GNA11: variants seen among roughly 807,000 people sequenced by gnomAD.
GNA11 encodes the protein G protein subunit alpha 11, also known as guanine nucleotide-binding protein subunit alpha-11.
A neutral mutation model predicts 38.2 loss-of-function variants in GNA11; 8 were observed. The observed-to-expected ratio is 0.21, with a 90% CI of 0.12 to 0.38. The LOEUF (loss-of-function observed/expected upper bound fraction) is 0.38. GNA11 is among the 10% of genes least tolerant of loss of function. The probability of loss-of-function intolerance (pLI) is 1.00; values close to 1 mark genes in which losing one functional copy is unlikely to be tolerated. For synonymous variants in GNA11, 211 were observed against 221.4 expected (o/e 0.95, Z 0.42); for missense variants, 268 against 516.3 (o/e 0.52, Z 4.66).
chr19:3,118,674 C>T lies in GNA11; in HGVS notation c.606-250C>T, dbSNP rs192279713. 1.2e-4 allele frequency: 55 copies of T among 470,002 alleles called. No homozygotes were observed. The Admixed American group carries it at 1.5e-3, about 13-fold the overall frequency. 29.1% of individuals were successfully genotyped at this position (470,002 alleles called of 1,614,324 possible). ...CTGGGTTCTCACACCCCCACACTAG[C>T]GCCCGCTTCCCTGGGCCCAGTGGTC... On this transcript the variant is annotated intron_variant, in intron 4 of 6. Transcript: ENST00000078429.
In GNA11 at chr19:3,121,379, T is replaced by G; in HGVS notation, c.*200T>G. On this transcript the variant is annotated 3_prime_UTR_variant, in exon 7 of 7. Coordinates refer to ENST00000078429, the MANE Select transcript of GNA11 (RefSeq NM_002067.5). ...GATGTACATCTCTCCCTCCGTACAC[T>G]TCGCGCACCTTCTCACCTTTTGTCA... 1 of 420,474 alleles carries G rather than the reference T, an allele frequency of 2.4e-6. No homozygotes were observed. Among genetic ancestry groups the G allele is most frequent in the South Asian group, 5.7e-5 (1 of 17,582 alleles). The allele number at this position is 420,474 out of a possible 1,614,324, so 26.0% of individuals were successfully genotyped here.
chr19:3,112,240 C>A (rs1016193892), intron 2 of GNA11, among the ~76,000 whole-genome samples: 8 of 152,144 alleles, frequency 5.3e-5, no homozygotes, highest in African/African-American at 1.7e-4. Context: ...TTTCCAAGTC[C>A]CCCTAGGTGT....
intron 4 of GNA11, chr19:3,118,073 A>G (rs1913969612): frequency 6.6e-6 from 1 of 150,968 alleles, no homozygotes; most frequent in South Asian, 2.1e-4. Flanking sequence ...TGCCTGCTGG[A>G]CTCCCCCGCA....
Position 3,110,049 on chromosome 19 carries a change from G to A in GNA11, c.137-100G>A, listed in dbSNP as rs563965226. 3 of 943,176 alleles carry A rather than the reference G, an allele frequency of 3.2e-6. No homozygotes were observed. Among genetic ancestry groups the A allele is most frequent in the South Asian group, 3.1e-5 (2 of 63,974 alleles). The allele number at this position is 943,176 out of a possible 1,614,324, so 58.4% of individuals were successfully genotyped here. On this transcript the variant is annotated intron_variant, in intron 1 of 6. Coordinates refer to ENST00000078429, the MANE Select transcript of GNA11 (RefSeq NM_002067.5). This position sits in a 1 kb window ranked among gnomAD's most constrained non-coding sequence, Gnocchi z 5.4. The stretch of plus-strand genomic sequence containing the variant: ...TCAGCCTCACGTGCCTTGGTTTCCT[G>A]TGCTGGGTGCTGCAGCACGGCAGGG...
intron 3 of GNA11, among the ~76,000 whole-genome samples, chr19:3,114,257 T>A (rs1842527162): frequency 6.6e-6 from 1 of 152,094 alleles, no homozygotes; most frequent in African/African-American, 2.4e-5. Context: ...GCACCCGGCC[T>A]CTTACAACCC....
At chr19:3,105,926 C>T (rs1913628877) in intron 1 of GNA11, among the ~76,000 whole-genome samples, 2 of 152,016 alleles carry the variant, frequency 1.3e-5, no homozygotes, top group Admixed American at 1.3e-4. Flanking sequence ...TGAGGGCCGG[C>T]AAGGGGCTGT....
At chr19:3,113,250 G>T in intron 2 of GNA11, 80 bp from the exon 3 acceptor site, 1 of 1,403,434 alleles carries the variant, frequency 7.1e-7, no homozygotes, top group Non-Finnish European at 1.0e-6. Context: ...GCCGAGGCCT[G>T]GAAGAGGGGC....
At chr19:3,112,117 A>G (rs930307690) in intron 2 of GNA11, among the ~76,000 whole-genome samples, 5 of 152,260 alleles carry the variant, frequency 3.3e-5, no homozygotes, top group Non-Finnish European at 7.3e-5. Flanking sequence ...TGCTGGAGAC[A>G]GTCCGTGTGG....
chr19:3,097,066 C>T (rs927293346), intron 1 of GNA11, among the ~76,000 whole-genome samples: 3 of 152,190 alleles, frequency 2.0e-5, no homozygotes, highest in Non-Finnish European at 4.4e-5. Context: ...GAGGGGACCT[C>T]TGTCAGGCTC....
intron 1 of GNA11, among the ~76,000 whole-genome samples, chr19:3,097,445 G>A (rs1913400255): frequency 1.3e-5 from 2 of 152,178 alleles, no homozygotes; most frequent in African/African-American, 4.8e-5. Context: ...TGGCATCTGG[G>A]GCCCAGGAGG....
Position 3,119,381 on chromosome 19 carries a change from G to C in GNA11, c.889+22G>C. 2 of 1,607,964 alleles carry C rather than the reference G, an allele frequency of 1.2e-6. No individual in the cohort carries two copies. The highest frequency in any genetic ancestry group is 1.7e-6 in the Non-Finnish European group (2 of 1,177,892). ...GATGGTGCGCCGGGCTGCGGCATGG[G>C]GAGGGGCTCGCGGGCAGGGCCTTAC... On this transcript the variant is annotated intron_variant, in intron 6 of 6. Transcript: ENST00000078429. The surrounding 1 kb of genome is among the most constrained non-coding windows in gnomAD (Gnocchi z 4.6).
chr19:3,115,687 G>T (rs1014142935), intron 4 of GNA11, among the ~76,000 whole-genome samples: 1 of 150,666 alleles, frequency 6.6e-6, no homozygotes, highest in African/African-American at 2.5e-5. Flanking sequence ...CGCATGGTGC[G>T]GGAGGGGTCA....
chr19:3,100,498 AG>A (rs1222530052), intron 1 of GNA11, among the ~76,000 whole-genome samples: 3 of 152,226 alleles, frequency 2.0e-5, no homozygotes, highest in Non-Finnish European at 4.4e-5. Flanking sequence ...GACTGAAGGC[AG>A]ATCACGCAGG....
Position 3,120,452 on chromosome 19 carries a change from G to C in GNA11, c.890-537G>C, listed in dbSNP as rs923300796. On this transcript the variant is annotated intron_variant, in intron 6 of 6. Transcript: ENST00000078429. The surrounding 1 kb of genome is among the most constrained non-coding windows in gnomAD (Gnocchi z 5.9). Reference sequence around the variant, plus strand: ...CCACCGGGGCAGGCAGGAGTTACTGGGCGGGTCGCCTGCATTGTCCAGGGT... The same window carrying C: ...CCACCGGGGCAGGCAGGAGTTACTGCGCGGGTCGCCTGCATTGTCCAGGGT... Among the ~76,000 whole-genome samples, 2 of 152,096 alleles carry C rather than the reference G, an allele frequency of 1.3e-5. No homozygotes were observed. Among genetic ancestry groups the C allele is most frequent in the African/African-American group, 4.8e-5 (2 of 41,432 alleles).
In GNA11 at chr19:3,108,487, C is replaced by T. The variant is rs768210891; in HGVS notation, c.137-1662C>T. On this transcript the variant is annotated intron_variant, in intron 1 of 6. Transcript: ENST00000078429. The surrounding 1 kb of genome is among the most constrained non-coding windows in gnomAD (Gnocchi z 4.5). ...GACGTGTGTGGAAGTGGGGAGGTGC[C>T]GGAAGATTCAGAGACACAGGGTGGT... 4.7e-4 allele frequency among the ~76,000 whole-genome samples: 68 copies of T among 146,234 alleles called. No individual in the cohort carries two copies. The highest frequency in any genetic ancestry group is 3.9e-3 in the Admixed American group (56 of 14,458).
At position 3,122,347 on chromosome 19, in the gene GNA11, C is replaced by T. The variant is rs1914100856; in HGVS notation, c.*1168C>T. 4.3e-6 allele frequency: 1 copy of T among 232,244 alleles called. No individual in the cohort carries two copies. The highest frequency in any genetic ancestry group is 8.5e-6 in the Non-Finnish European group (1 of 117,360). The allele number at this position is 232,244 out of a possible 1,614,324, so 14.4% of individuals were successfully genotyped here. A position where few individuals can be genotyped will look rare whatever the true frequency, so the allele number is the denominator to read the frequency against. ...CCGCCCCCGGGGAGCGGGAAGCCAG[C>T]ACTCGCACTTTGGCCAGGGGCGCGT... On this transcript the variant is annotated 3_prime_UTR_variant, in exon 7 of 7. Coordinates refer to ENST00000078429, the MANE Select transcript of GNA11 (RefSeq NM_002067.5). This position sits in a 1 kb window ranked among gnomAD's most constrained non-coding sequence, Gnocchi z 7.7.
intron 1 of GNA11, among the ~76,000 whole-genome samples, chr19:3,105,745 A>C (rs1338441186): frequency 1.3e-5 from 2 of 152,150 alleles, no homozygotes; most frequent in African/African-American, 4.8e-5. Flanking sequence ...CCCAGCGCCG[A>C]GCAGCGGTCT....
At chr19:3,115,269 G>A in intron 4 of GNA11, 197 bp downstream of exon 4, 1 of 547,338 alleles carries the variant, frequency 1.8e-6, no homozygotes, top group Non-Finnish European at 3.2e-6. Flanking sequence ...GCTGGGCGTG[G>A]TTGTGTGCAC....
intron 1 of GNA11, among the ~76,000 whole-genome samples, chr19:3,098,765 C>T (rs1452070682): frequency 3.9e-5 from 6 of 152,146 alleles, no homozygotes; most frequent in African/African-American, 9.7e-5. Flanking sequence ...GTGGCTGTGC[C>T]GTGTCCCAGA....
Sources: gnomAD v4.1 joint callset for allele counts (sites outside exome capture counted in the v4.1 genomes callset) on GRCh38, gnomAD v4.1.1 for gene constraint, Gnocchi (gnomAD v3.1) non-coding constraint, MANE v1.5 for transcripts, NCBI Gene and HGNC (gene_info 2026-07-23, HGNC 2026-07-21) for gene names.